SEMA5A: variants seen among roughly 807,000 people sequenced by gnomAD.
SEMA5A encodes semaphorin-5A.
Under a neutral mutation model 135.5 loss-of-function variants are expected in SEMA5A, and 55 were observed. That is an observed-to-expected ratio of 0.41 (90% confidence interval 0.33 to 0.51). The LOEUF (loss-of-function observed/expected upper bound fraction) is 0.51. SEMA5A is among the 20% of genes least tolerant of loss of function. The pLI, the probability that SEMA5A is intolerant of heterozygous loss-of-function variation, is 0.37. For synonymous variants in SEMA5A, 580 were observed against 546.5 expected (o/e 1.06, Z -0.85); for missense variants, 1,290 against 1,419.9 (o/e 0.91, Z 1.47).
At chr5:9,480,807 C>G (rs898696845) in intron 1 of SEMA5A, among the ~76,000 whole-genome samples, 4 of 152,098 alleles carry the variant, frequency 2.6e-5, no homozygotes, top group Non-Finnish European at 5.9e-5. Flanking sequence ...CAGCCCTAAT[C>G]CAGAGCAAGA....
At chr5:9,280,947 T>C (rs1404058403) in intron 5 of SEMA5A, 1 of 198,224 alleles carries the variant, frequency 5.0e-6, no homozygotes, top group African/African-American at 2.3e-5. Context: ...TCATTAATAA[T>C]ATTAGCATGA....
At chr5:9,537,198 C>T (rs1420043909) in intron 1 of SEMA5A, among the ~76,000 whole-genome samples, 5 of 152,006 alleles carry the variant, frequency 3.3e-5, no homozygotes, top group African/African-American at 7.3e-5. Context: ...CTGAAGCTAC[C>T]GGAACCAATA....
chr5:9,369,834 T>C (rs1431947238), intron 3 of SEMA5A, among the ~76,000 whole-genome samples: 4 of 152,008 alleles, frequency 2.6e-5, no homozygotes, highest in African/African-American at 7.3e-5. Flanking sequence ...GTTATCATTA[T>C]GAAAGTTCCA....
intron 8 of SEMA5A, among the ~76,000 whole-genome samples, chr5:9,205,801 A>G (rs898986885): frequency 2.6e-5 from 4 of 152,138 alleles, no homozygotes; most frequent in Non-Finnish European, 4.4e-5. Flanking sequence ...GCGGCCCTAC[A>G]CTGATCCTTC....
intron 8 of SEMA5A, among the ~76,000 whole-genome samples, chr5:9,203,493 C>T (rs1057473027): frequency 1.3e-5 from 2 of 152,128 alleles, no homozygotes; most frequent in Non-Finnish European, 2.9e-5. Flanking sequence ...TAAATGGAAT[C>T]ACCTAAGGTC....
At chr5:9,271,880 T>A (rs1749992307) in intron 5 of SEMA5A, among the ~76,000 whole-genome samples, 3 of 152,132 alleles carry the variant, frequency 2.0e-5, no homozygotes, top group African/African-American at 7.2e-5. Flanking sequence ...GACCAGGAGA[T>A]TCCCTCCAGT....
chr5:9,341,232 T>C (rs74698330), intron 3 of SEMA5A, among the ~76,000 whole-genome samples: 9,154 of 149,454 alleles, frequency 0.061, 311 homozygotes, highest in Admixed American at 0.069. Flanking sequence ...ACACATACAC[T>C]ATATTTCATA....
At chr5:9,099,576 C>T in intron 16 of SEMA5A, among the ~76,000 whole-genome samples, 1 of 152,164 alleles carries the variant, frequency 6.6e-6, no homozygotes, top group East Asian at 1.9e-4. Context: ...GGAAATGGGT[C>T]ACTTGAAAAT....
At chr5:9,137,760 C>A (rs1741841572) in intron 12 of SEMA5A, among the ~76,000 whole-genome samples, 1 of 152,022 alleles carries the variant, frequency 6.6e-6, no homozygotes, top group Admixed American at 6.6e-5. Context: ...AGGGAGGTAG[C>A]GTAAGTAAGT....
chr5:9,407,552 C>T (rs1176750428), intron 2 of SEMA5A, among the ~76,000 whole-genome samples: 1 of 152,192 alleles, frequency 6.6e-6, no homozygotes, highest in Admixed American at 6.5e-5. Context: ...CACAAACCTC[C>T]AAGGGAAGTG....
At chr5:9,082,691 G>C (rs1738456153) in intron 16 of SEMA5A, among the ~76,000 whole-genome samples, 1 of 152,172 alleles carries the variant, frequency 6.6e-6, no homozygotes, top group Non-Finnish European at 1.5e-5. Flanking sequence ...GATTAGCATA[G>C]AGCCTGTTCT....
At chr5:9,510,271 A>C (rs1339736380) in intron 1 of SEMA5A, among the ~76,000 whole-genome samples, 1 of 152,196 alleles carries the variant, frequency 6.6e-6, no homozygotes, top group Non-Finnish European at 1.5e-5. Context: ...ACAGCACACC[A>C]AGCACTGTGT....
intron 12 of SEMA5A, among the ~76,000 whole-genome samples, chr5:9,144,699 G>A (rs554999918): frequency 8.7e-4 from 132 of 152,322 alleles, no homozygotes; most frequent in African/African-American, 3.1e-3. Context: ...TGTGTGGATA[G>A]AGACATGTTC....
At chr5:9,145,693 T>C (rs1384655172) in intron 12 of SEMA5A, among the ~76,000 whole-genome samples, 1 of 148,788 alleles carries the variant, frequency 6.7e-6, no homozygotes, top group East Asian at 2.0e-4. Context: ...GACTGGAGTG[T>C]AGTGGTGCAG....
chr5:9,207,102 G>GTGTA (rs1405308378), intron 8 of SEMA5A, among the ~76,000 whole-genome samples: 2 of 97,698 alleles, frequency 2.0e-5, no homozygotes, highest in African/African-American at 3.9e-5. Flanking sequence ...ATGATCAAGT[G>GTGTA]TATATATATA....
rs1561043275 is a variant in SEMA5A at position 9,224,813 on chromosome 5, G to A, written c.507C>T (p.Ser169=). 6.2e-7 allele frequency: 1 copy of A among 1,614,110 alleles called. No individual in the cohort carries two copies. Among genetic ancestry groups the A allele is most frequent in the Non-Finnish European group, 8.5e-7 (1 of 1,179,988 alleles). Residue 169 remains serine (S), a synonymous_variant, in exon 8 of 23, where the codon TCC becomes TCT. Transcript: ENST00000382496. The part of the protein sequence containing the change: ...ARCPYSPQHN[S]TALLTAGGEL... Reference sequence around the variant, plus strand: ...CCCCACCAGCTGTGAGGAGCGCTGTGGAATTGTGCTGGGGACTGTAGGGAC... The same window carrying A: ...CCCCACCAGCTGTGAGGAGCGCTGTAGAATTGTGCTGGGGACTGTAGGGAC...
intron 13 of SEMA5A, among the ~76,000 whole-genome samples, chr5:9,129,610 A>T (rs1012081380): frequency 1.3e-5 from 2 of 152,358 alleles, no homozygotes; most frequent in Middle Eastern, 6.8e-3. Flanking sequence ...AGGCTTCCTT[A>T]AACAGACATC....
chr5:9,153,357 G>T (rs1249434245), intron 12 of SEMA5A, among the ~76,000 whole-genome samples: 1 of 152,192 alleles, frequency 6.6e-6, no homozygotes, highest in Non-Finnish European at 1.5e-5. Context: ...GTAAAGTGCT[G>T]GTCAGGTGTG....
At chr5:9,378,959 T>G (rs1755479232) in intron 3 of SEMA5A, among the ~76,000 whole-genome samples, 1 of 152,130 alleles carries the variant, frequency 6.6e-6, no homozygotes, top group Admixed American at 6.5e-5. Flanking sequence ...CCAAAATAAT[T>G]TAATGGGTAT....
Sources: allele counts gnomAD v4.1 joint callset (sites outside exome capture counted in the v4.1 genomes callset), GRCh38; gene constraint gnomAD v4.1.1; transcripts MANE v1.5; gene names NCBI Gene and HGNC (gene_info 2026-07-23, HGNC 2026-07-21).